Variants in CACNA1H observed in about 807,000 individuals in gnomAD.
CACNA1H encodes voltage-dependent T-type calcium channel subunit alpha-1H.
In CACNA1H, 149 loss-of-function variants were observed where a neutral mutation model predicts 192.5. The ratio of observed to expected loss-of-function variants is 0.77; its 90% CI spans 0.68 to 0.89. The LOEUF is 0.89. Ranked by LOEUF, CACNA1H falls within the 40% of genes least tolerant of loss-of-function variation. The pLI is 0.00. For synonymous variants in CACNA1H, 2,202 were observed against 1,475.2 expected (o/e 1.49, Z -11.29); for missense variants, 4,257 against 3,423.5 (o/e 1.24, Z -6.08).
rs747925325 is a variant in CACNA1H at position 1,221,024 on chromosome 16, G to C, written c.*30G>C. The C allele has an allele frequency of 3.3e-6, 5 of 1,516,142 alleles. No homozygotes were observed. The highest frequency in any genetic ancestry group is 2.3e-5 in the Admixed American group (1 of 44,160). The allele number at this position is 1,516,142 out of a possible 1,614,324, so 93.9% of individuals were successfully genotyped here. ...GGGCTTGGTGCCGCCCACGGCTTTG[G>C]CCCTGGGGTCTGGGGGCCCCGCTGG... On this transcript the variant is annotated 3_prime_UTR_variant, in exon 35 of 35. Coordinates refer to ENST00000348261, the MANE Select transcript of CACNA1H (RefSeq NM_021098.3).
chr16:1,154,430 C>G (rs570254473), intron 2 of CACNA1H, among the ~76,000 whole-genome samples: 4 of 152,168 alleles, frequency 2.6e-5, no homozygotes, highest in South Asian at 4.2e-4. Flanking sequence ...AGGTCCTGCC[C>G]GAGGCAGGCC....
intron 2 of CACNA1H, among the ~76,000 whole-genome samples, chr16:1,178,193 C>T (rs908197596): frequency 7.9e-6 from 1 of 126,250 alleles, no homozygotes; most frequent in Non-Finnish European, 1.7e-5. Context: ...CTCCATGGGG[C>T]ACCTCATGGT....
intron 5 of CACNA1H, among the ~76,000 whole-genome samples, chr16:1,197,510 G>C (rs1408210376): frequency 1.3e-5 from 2 of 152,146 alleles, no homozygotes; most frequent in African/African-American, 2.4e-5. Flanking sequence ...AGAGAACTAG[G>C]GAACTCTTCC....
intron 2 of CACNA1H, among the ~76,000 whole-genome samples, chr16:1,166,643 G>A (rs1482549275): frequency 3.3e-5 from 5 of 151,956 alleles, no homozygotes; most frequent in African/African-American, 4.8e-5. Context: ...GGCCTTTTCC[G>A]TCTCCGAGGT....
In CACNA1H at chr16:1,204,011, A is replaced by C; in HGVS notation, c.2004A>C (p.Gly668=). The C allele has an allele frequency of 6.5e-7, 1 of 1,543,198 alleles. No homozygotes were observed. Among genetic ancestry groups the C allele is most frequent in the Non-Finnish European group, 8.7e-7 (1 of 1,144,148 alleles). The change falls in exon 10 of 35, where the codon GGA becomes GGC. Residue 668 remains glycine (G), a splice_region_variant and synonymous_variant. Coordinates refer to ENST00000348261, the MANE Select transcript of CACNA1H (RefSeq NM_021098.3). ...CCCTGTCTGTGCCCTCTCCCGCAGG[A>C]CTGGGCCAGGCCCCTGGCCATCTGT... is the stretch of plus-strand genomic sequence containing the variant. ...EKIPHVVGEH[G]LGQAPGHLSG...
chr16:1,183,062 C>T (rs1290856010), intron 2 of CACNA1H, among the ~76,000 whole-genome samples: 2 of 147,962 alleles, frequency 1.4e-5, no homozygotes, highest in Admixed American at 1.4e-4. Flanking sequence ...CGCCCCCACC[C>T]TCTGTGACCC....
rs534154156 is a variant in CACNA1H at position 1,167,288 on chromosome 16, C to A, written c.299+13252C>A. Among the ~76,000 whole-genome samples the A allele has an allele frequency of 3.8e-3, 581 of 152,256 alleles. 3 individuals are homozygous for A. Among genetic ancestry groups the A allele is most frequent in the African/African-American group, 9.4e-3 (390 of 41,538 alleles). On this transcript the variant is annotated intron_variant, in intron 2 of 34. Coordinates refer to ENST00000348261, the MANE Select transcript of CACNA1H (RefSeq NM_021098.3). The surrounding 1 kb of genome is among the most constrained non-coding windows in gnomAD (Gnocchi z 4.2). Reference sequence around the variant, plus strand: ...CCCGGTGGGTGGGGCTTGCCGGCCGCCCGCGAATGTCAGGAACCTTGGATT... The same window carrying A: ...CCCGGTGGGTGGGGCTTGCCGGCCGACCGCGAATGTCAGGAACCTTGGATT...
At chr16:1,163,288 G>T (rs2151662983) in intron 2 of CACNA1H, among the ~76,000 whole-genome samples, 1 of 152,370 alleles carries the variant, frequency 6.6e-6, no homozygotes, top group South Asian at 2.1e-4. Flanking sequence ...TGGGTGTCGG[G>T]CGTTGAGTGG....
chr16:1,169,045 A>G (rs552136812), intron 2 of CACNA1H, among the ~76,000 whole-genome samples: 1 of 151,978 alleles, frequency 6.6e-6, no homozygotes, highest in South Asian at 2.1e-4. Context: ...GGTGCTCCAT[A>G]AGCATGCAGC....
At chr16:1,199,511 C>A (rs894652649) in intron 6 of CACNA1H, among the ~76,000 whole-genome samples, 2 of 148,546 alleles carry the variant, frequency 1.3e-5, no homozygotes, top group African/African-American at 5.0e-5. Context: ...ATATGTCCCA[C>A]CCCCAGTGCT....
intron 2 of CACNA1H, among the ~76,000 whole-genome samples, chr16:1,179,005 G>C (rs966201326): frequency 1.3e-5 from 2 of 152,204 alleles, no homozygotes; most frequent in South Asian, 2.1e-4. Flanking sequence ...CTGAGGCTCT[G>C]TGACCTCTGT....
At chr16:1,158,160 C>T (rs1036164654) in intron 2 of CACNA1H, among the ~76,000 whole-genome samples, 6 of 152,346 alleles carry the variant, frequency 3.9e-5, no homozygotes, top group African/African-American at 1.4e-4. Context: ...GGATGTGTCC[C>T]TGCCTCCTGG....
chr16:1,171,754 C>T lies in CACNA1H; in HGVS notation c.299+17718C>T, dbSNP rs556237290. ...GAGTCCCTGGAGCTCTGGGCAGCCT[C>T]CCACCGTCCACAACTTTGCCACCCT... is the stretch of plus-strand genomic sequence containing the variant. On this transcript the variant is annotated intron_variant, in intron 2 of 34. Transcript: ENST00000348261. 2.8e-4 allele frequency among the ~76,000 whole-genome samples: 42 copies of T among 152,246 alleles called. No homozygotes were observed. The South Asian group carries it at 7.9e-3, about 29-fold the overall frequency.
rs577233623 is a variant in CACNA1H at position 1,201,891 on chromosome 16, C to T, written c.1441C>T (p.Arg481Cys). 91 of 1,551,600 alleles carry T rather than the reference C, an allele frequency of 5.9e-5. No individual in the cohort carries two copies. The highest frequency in any genetic ancestry group is 5.9e-5 in the South Asian group (5 of 84,202). ...GCGGCGCAGCTTGCGCCTCTACGCC[C>T]GCTGGCAGAGCCGCTGGCGCAAGAA... is the stretch of plus-strand genomic sequence containing the variant. ...VKRRSLRLYA[R>C]WQSRWRKKVD... The change falls in exon 9 of 35, where the codon CGC (arginine) becomes TGC (cysteine). Residue 481 changes from arginine (R) to cysteine (C), a missense_variant. Coordinates refer to ENST00000348261, the MANE Select transcript of CACNA1H (RefSeq NM_021098.3).
intron 2 of CACNA1H, chr16:1,157,564 TCCCGCCTGCG>T (rs1962589493): frequency 1.3e-5 from 2 of 152,370 alleles, no homozygotes; most frequent in Admixed American, 6.5e-5. Flanking sequence ...AAAGGGCCAG[TCCCGCCTGCG>T]CCCGCCTCCC....
chr16:1,219,444 T>C (rs1970304666), intron 34 of CACNA1H, among the ~76,000 whole-genome samples: 1 of 151,902 alleles, frequency 6.6e-6, no homozygotes, highest in Non-Finnish European at 1.5e-5. Flanking sequence ...CAGACAGCAG[T>C]TTCCCAGGGC....
intron 2 of CACNA1H, among the ~76,000 whole-genome samples, chr16:1,178,809 A>G (rs991489516): frequency 1.3e-5 from 2 of 152,214 alleles, no homozygotes; most frequent in African/African-American, 2.4e-5. Flanking sequence ...GGTTGGGGTG[A>G]AGAGATGTGG....
rs148444212 is a variant in CACNA1H, at chr16:1,195,784, C to T, written c.546-142C>T. The T allele has an allele frequency of 4.8e-3, 4,129 of 865,838 alleles. 71 individuals carry two copies. Among genetic ancestry groups the T allele is most frequent in the East Asian group, 0.037 (1,405 of 38,186 alleles). The allele number at this position is 865,838 out of a possible 1,614,324, so 53.6% of individuals were successfully genotyped here. A position where few individuals can be genotyped will look rare whatever the true frequency, so the allele number is the denominator to read the frequency against. ...ACCAAGCGTTGTGCTCCTGCTACCT[C>T]GGGGCCCTTCCTGGCCAGTACAAGG... On this transcript the variant is annotated intron_variant, in intron 4 of 34. Coordinates refer to ENST00000348261, the MANE Select transcript of CACNA1H (RefSeq NM_021098.3).
chr16:1,212,545 G>A lies in CACNA1H; in HGVS notation c.4777+17G>A, dbSNP rs372843972. On this transcript the variant is annotated intron_variant, in intron 26 of 34. Transcript: ENST00000348261. ...CCAGCCCAGGTACCGGCCCTGTCCC[G>A]CATGCCTCAGGCCCCGCTTCTGCGG... The A allele has an allele frequency of 4.6e-5, 74 of 1,608,486 alleles. No homozygotes were observed. Among genetic ancestry groups the A allele is most frequent in the Non-Finnish European group, 5.3e-5 (63 of 1,178,114 alleles).
Sources: allele counts gnomAD v4.1 joint callset (sites outside exome capture counted in the v4.1 genomes callset), GRCh38; gene constraint gnomAD v4.1.1; non-coding constraint Gnocchi (gnomAD v3.1); transcripts MANE v1.5; gene names NCBI Gene and HGNC (gene_info 2026-07-23, HGNC 2026-07-21).